Variants in BDP1 observed in about 807,000 individuals in gnomAD.
BDP1 encodes the protein transcription factor TFIIIB component B'' homolog.
BDP1 carries 169 observed loss-of-function variants against 266.6 expected under a neutral mutation model. The observed-to-expected ratio is 0.63, with a 90% confidence interval of 0.56 to 0.72. The LOEUF (loss-of-function observed/expected upper bound fraction) is 0.72, where lower values mean the gene tolerates loss of function less well. Ranked by LOEUF, BDP1 falls within the 30% of genes least tolerant of loss-of-function variation. The pLI is 0.00. For synonymous variants in BDP1, 1,090 were observed against 1,022.4 expected, an observed-to-expected ratio of 1.07 and a Z score of -1.26; for missense variants, 3,015 against 3,053.8, an observed-to-expected ratio of 0.99 and a Z score of 0.30.
At chr5:71,571,470 T>C (rs1288934379), downstream of BDP1, among the ~76,000 whole-genome samples, 1 of 152,094 alleles carries the variant, frequency 6.6e-6, no homozygotes, top group African/African-American at 2.4e-5. Context: ...TTTTCTCAGA[T>C]ACCCAGGGAC....
chr5:71,573,999 C>T, the BDP1 span, among the ~76,000 whole-genome samples: 1 of 152,164 alleles, frequency 6.6e-6, no homozygotes, highest in Admixed American at 6.5e-5. Flanking sequence ...AATGTAAATG[C>T]GGATTGTAAA....
chr5:71,488,645 T>G (rs1380313810), intron 9 of BDP1, among the ~76,000 whole-genome samples: 24 of 151,552 alleles, frequency 1.6e-4, no homozygotes, highest in Admixed American at 1.6e-3. Context: ...GCCAGCCTGG[T>G]CTTGAGCTCC....
intron 38 of BDP1, chr5:71,562,737 C>A: frequency 6.9e-7 from 1 of 1,456,152 alleles, no homozygotes; most frequent in Non-Finnish European, 9.1e-7. Context: ...ATTGAACTAA[C>A]CATAAATGGA....
Position 71,458,589 on chromosome 5 carries a change from A to G in BDP1, c.223A>G (p.Thr75Ala). 1.2e-6 allele frequency: 2 copies of G among 1,610,328 alleles called. No individual in the cohort carries two copies. Among genetic ancestry groups the G allele is most frequent in the African/African-American group, 1.3e-5 (1 of 74,818 alleles). Residue 75 changes from threonine (T) to alanine (A), a missense_variant, in exon 2 of 39, where the codon ACT becomes GCT. Around this residue, in one of 3 missense-constraint regions of BDP1, gnomAD observed 2,383 missense variants for 2,404.9 expected, o/e 0.99. Transcript: ENST00000358731. ...EKAPRSSTEKTGGDNDVEESS... is the reference protein window; with the variant it reads ...EKAPRSSTEKAGGDNDVEESS... ...TTTTAATTTCAACAGTACTGAAAAG[A>G]CTGGTGGTGACAATGATGTTGAAGA...
At chr5:71,518,778 A>C (rs1322498800) in intron 22 of BDP1, among the ~76,000 whole-genome samples, 2 of 150,656 alleles carry the variant, frequency 1.3e-5, no homozygotes, top group Non-Finnish European at 2.9e-5. Flanking sequence ...TGCTTGAAGC[A>C]GTTTGCTTTC....
chr5:71,483,610 G>C (rs1763088445), intron 7 of BDP1, among the ~76,000 whole-genome samples: 1 of 152,194 alleles, frequency 6.6e-6, no homozygotes, highest in Non-Finnish European at 1.5e-5. Context: ...TGTAAATCCA[G>C]CTTCCATTGC....
chr5:71,493,338 C>G (rs1580062857), intron 11 of BDP1, among the ~76,000 whole-genome samples: 1 of 152,184 alleles, frequency 6.6e-6, no homozygotes, highest in East Asian at 1.9e-4. Context: ...CAGCTCACCA[C>G]AACCTTGAAC....
At chr5:71,555,004 G>A (rs980117000) in intron 35 of BDP1, among the ~76,000 whole-genome samples, 7 of 152,196 alleles carry the variant, frequency 4.6e-5, no homozygotes, top group East Asian at 3.9e-4. Flanking sequence ...GGAGCATTTC[G>A]GATTTTCAGC....
intron 4 of BDP1, among the ~76,000 whole-genome samples, chr5:71,465,131 A>G (rs146633165): frequency 0.025 from 3,780 of 152,066 alleles, 71 homozygotes; most frequent in South Asian, 0.072. Context: ...TCAGCCTCCA[A>G]AAGTACTAGG....
At chr5:71,492,908 A>G (rs1444766874) in intron 11 of BDP1, among the ~76,000 whole-genome samples, 3 of 152,170 alleles carry the variant, frequency 2.0e-5, no homozygotes, top group African/African-American at 4.8e-5. Context: ...TTCTAAAGCT[A>G]TTTTATCACT....
chr5:71,552,981 G>C, intron 34 of BDP1, 135 bp from the exon 35 acceptor site: 10 of 717,374 alleles, frequency 1.4e-5, no homozygotes, highest in Non-Finnish European at 2.2e-5. Context: ...GGAGTTTTTT[G>C]GTTTTATTGG....
intron 35 of BDP1, among the ~76,000 whole-genome samples, chr5:71,555,841 T>C (rs1473003455): frequency 1.3e-5 from 2 of 152,210 alleles, no homozygotes; most frequent in Non-Finnish European, 2.9e-5. Context: ...TCCTCATTAC[T>C]TATATGTTCT....
At chr5:71,549,719 A>G in intron 34 of BDP1, 113 bp downstream of exon 34, 1 of 793,526 alleles carries the variant, frequency 1.3e-6, no homozygotes, top group Non-Finnish European at 1.8e-6. Context: ...TGGAGATCTT[A>G]TTTATCATTT....
chr5:71,503,503 A>G (rs1559260), intron 15 of BDP1, among the ~76,000 whole-genome samples: 68,269 of 152,096 alleles, frequency 0.45, 15,683 homozygotes, highest in South Asian at 0.55. Context: ...GTTTTGAAGA[A>G]ATAAGTACAT....
intron 1 of BDP1, among the ~76,000 whole-genome samples, chr5:71,456,462 A>G (rs962843839): frequency 1.3e-5 from 2 of 152,176 alleles, no homozygotes; most frequent in African/African-American, 4.8e-5. Context: ...CAATTTATAA[A>G]ATATTTATTT....
chr5:71,497,516 G>A, intron 13 of BDP1, 90 bp downstream of exon 13: 1 of 947,762 alleles, frequency 1.1e-6, no homozygotes, highest in Non-Finnish European at 1.6e-6. Flanking sequence ...AAATTACAAA[G>A]TACTGTTACT....
rs1283256004 is a variant in BDP1, at chr5:71,525,462, C to T, written c.5772+1139C>T. Among the ~76,000 whole-genome samples the T allele has an allele frequency of 1.2e-4, 17 of 137,256 alleles. 1 individual carries two copies. The highest frequency in any genetic ancestry group is 4.6e-4 in the African/African-American group (17 of 36,616). 90.0% of individuals were successfully genotyped at this position (137,256 alleles called of 152,430 possible). A position where few individuals can be genotyped will look rare whatever the true frequency, so the allele number is the denominator to read the frequency against. Reference sequence around the variant, plus strand: ...GGGGCTGACACCCCCCACCTCCCTCCCGGACGGGGCGGCTGGCCGGGCGGG... The same window carrying T: ...GGGGCTGACACCCCCCACCTCCCTCTCGGACGGGGCGGCTGGCCGGGCGGG... On this transcript the variant is annotated intron_variant, in intron 25 of 38. Transcript: ENST00000358731.
At chr5:71,549,295 C>T in intron 33 of BDP1, 125 bp from the exon 34 acceptor site, 1 of 790,202 alleles carries the variant, frequency 1.3e-6, no homozygotes, top group Non-Finnish European at 2.0e-6. Flanking sequence ...TTGGGGGGAG[C>T]ATTTATTTAT....
intron 11 of BDP1, among the ~76,000 whole-genome samples, chr5:71,491,706 C>CTTTGT (rs370605242): frequency 1.1e-3 from 160 of 152,024 alleles, no homozygotes; most frequent in Middle Eastern, 3.4e-3. Flanking sequence ...ATGATTCTTT[C>CTTTGT]TTTGTTTTGT....
Sources: allele counts gnomAD v4.1 joint callset (sites outside exome capture counted in the v4.1 genomes callset), GRCh38; gene constraint gnomAD v4.1.1; regional missense constraint gnomAD v4.1.1; transcripts MANE v1.5; gene names NCBI Gene and HGNC (gene_info 2026-07-23, HGNC 2026-07-21).